The following LRP1B variants were observed in gnomAD, a reference collection of about 807,000 sequenced individuals.
The protein encoded by LRP1B is low-density lipoprotein receptor-related protein 1B.
LRP1B carries 217 observed loss-of-function variants against 556.6 expected under a neutral mutation model. The observed-to-expected ratio is 0.39, with a 90% confidence interval of 0.35 to 0.44. The LOEUF (loss-of-function observed/expected upper bound fraction) is 0.44. Ranked by LOEUF, LRP1B falls within the 20% of genes least tolerant of loss-of-function variation. The pLI is 1.00. For synonymous variants in LRP1B, 2,047 were observed against 1,865.8 expected, an observed-to-expected ratio of 1.10 and a Z score of -2.50; for missense variants, 5,053 against 5,620.8, an observed-to-expected ratio of 0.90 and a Z score of 3.23.
At chr2:141,727,084 G>C (rs1210775232) in intron 2 of LRP1B, among the ~76,000 whole-genome samples, 1 of 152,030 alleles carries the variant, frequency 6.6e-6, no homozygotes, top group Non-Finnish European at 1.5e-5. Flanking sequence ...ACTAATGTAA[G>C]GAGATTATTT....
chr2:141,701,040 T>A (rs2105462133), intron 2 of LRP1B, among the ~76,000 whole-genome samples: 1 of 151,960 alleles, frequency 6.6e-6, no homozygotes, highest in South Asian at 2.1e-4. Flanking sequence ...CTGATTGGCA[T>A]CTAAATTTAC....
intron 84 of LRP1B, among the ~76,000 whole-genome samples, chr2:140,294,858 A>G (rs1158050144): frequency 6.6e-6 from 1 of 152,020 alleles, no homozygotes; most frequent in Non-Finnish European, 1.5e-5. Context: ...ATACATGAGA[A>G]AGGATAATTA....
chr2:140,812,929 G>T (rs553560605), intron 32 of LRP1B, among the ~76,000 whole-genome samples: 19 of 152,126 alleles, frequency 1.2e-4, no homozygotes, highest in Admixed American at 9.8e-4. Context: ...TCAATATTCA[G>T]CCATCCTCAA....
At chr2:141,252,582 C>A (rs984985508) in intron 4 of LRP1B, among the ~76,000 whole-genome samples, 1 of 152,108 alleles carries the variant, frequency 6.6e-6, no homozygotes, top group Non-Finnish European at 1.5e-5. Context: ...TAATTCTTAT[C>A]TATTTTCACA....
chr2:140,728,157 TAA>T (rs33973198), intron 35 of LRP1B, among the ~76,000 whole-genome samples: 18 of 151,950 alleles, frequency 1.2e-4, no homozygotes, highest in East Asian at 5.8e-4. Context: ...TACTTGTTAT[TAA>T]AAAAAAAATC....
At chr2:140,996,156 A>T (rs540714650) in intron 15 of LRP1B, among the ~76,000 whole-genome samples, 1 of 152,116 alleles carries the variant, frequency 6.6e-6, no homozygotes, top group Admixed American at 6.6e-5. Flanking sequence ...TGTTCTTGAC[A>T]TAAGAATTTT....
intron 27 of LRP1B, among the ~76,000 whole-genome samples, chr2:140,852,952 C>T (rs983839002): frequency 6.6e-6 from 1 of 151,852 alleles, no homozygotes; most frequent in Non-Finnish European, 1.5e-5. Context: ...GGCAAAAAAG[C>T]GTTATTCTTG....
chr2:140,262,145 C>T (rs572769339), intron 86 of LRP1B, among the ~76,000 whole-genome samples: 14 of 151,844 alleles, frequency 9.2e-5, no homozygotes, highest in Non-Finnish European at 1.6e-4. Flanking sequence ...ACTACAATGC[C>T]GAAACTTTAG....
intron 1 of LRP1B, among the ~76,000 whole-genome samples, chr2:141,830,016 C>A (rs1336723070): frequency 6.6e-6 from 1 of 151,638 alleles, no homozygotes; most frequent in Non-Finnish European, 1.5e-5. Flanking sequence ...AAAATGACAC[C>A]ACTGACAAAA....
At chr2:140,564,688 T>C (rs1357725440) in intron 43 of LRP1B, among the ~76,000 whole-genome samples, 1 of 152,166 alleles carries the variant, frequency 6.6e-6, no homozygotes, top group South Asian at 2.1e-4. Flanking sequence ...CTTTCCTCAA[T>C]TAAAAAGTAA....
chr2:141,151,920 A>G (rs1394868372), intron 7 of LRP1B, among the ~76,000 whole-genome samples: 4 of 152,102 alleles, frequency 2.6e-5, no homozygotes, highest in Non-Finnish European at 5.9e-5. Flanking sequence ...GCAAGATGTC[A>G]CTTTAATACT....
At chr2:140,412,363 TC>T (rs1558864406) in intron 66 of LRP1B, among the ~76,000 whole-genome samples, 1 of 152,076 alleles carries the variant, frequency 6.6e-6, no homozygotes. Context: ...CAACTTTTGC[TC>T]ATCAGAGAAG....
chr2:140,270,547 G>A (rs902319997), intron 85 of LRP1B, among the ~76,000 whole-genome samples: 1 of 151,696 alleles, frequency 6.6e-6, no homozygotes, highest in African/African-American at 2.4e-5. Flanking sequence ...TTTTTCTTCT[G>A]ATAATTCTCA....
intron 77 of LRP1B, among the ~76,000 whole-genome samples, chr2:140,336,417 C>G (rs1363716223): frequency 6.7e-6 from 1 of 149,616 alleles, no homozygotes; most frequent in East Asian, 2.0e-4. Context: ...TACAAACACT[C>G]AATTTCTTTG....
chr2:140,646,015 G>A (rs1200790622), intron 41 of LRP1B, among the ~76,000 whole-genome samples: 1 of 151,886 alleles, frequency 6.6e-6, no homozygotes, highest in Non-Finnish European at 1.5e-5. Flanking sequence ...TTAGAGTTTA[G>A]ATAGACTCCA....
At chr2:140,370,129 A>C (rs1399654294) in intron 71 of LRP1B, among the ~76,000 whole-genome samples, 5 of 152,160 alleles carry the variant, frequency 3.3e-5, no homozygotes, top group African/African-American at 1.2e-4. Context: ...ATCTGTCAGA[A>C]AATAATCTTC....
At chr2:141,987,820 A>G (rs1051031724) in intron 1 of LRP1B, among the ~76,000 whole-genome samples, 7 of 151,948 alleles carry the variant, frequency 4.6e-5, no homozygotes, top group Non-Finnish European at 8.8e-5. Flanking sequence ...TAGCACTACC[A>G]GTATTTTCAG....
rs149368924 is a variant in LRP1B, at chr2:140,986,385, G to C, written c.2770+3147C>G. On this transcript the variant is annotated intron_variant, in intron 17 of 90. Coordinates refer to ENST00000389484, the MANE Select transcript of LRP1B (RefSeq NM_018557.3). ...ATCAACATAGAAATAGAATTACAAA[G>C]TTGAAGGTATGCACATCTTCACATT... is the stretch of plus-strand genomic sequence containing the variant. 3.5e-3 allele frequency among the ~76,000 whole-genome samples: 533 copies of C among 152,200 alleles called. 4 individuals are homozygous for C. Among genetic ancestry groups the C allele is most frequent in the African/African-American group, 0.012 (516 of 41,566 alleles).
intron 3 of LRP1B, among the ~76,000 whole-genome samples, chr2:141,445,301 A>G (rs1470114948): frequency 6.6e-6 from 1 of 151,878 alleles, no homozygotes; most frequent in Non-Finnish European, 1.5e-5. Flanking sequence ...TATTGTGTCT[A>G]TTTGATTCTT....
Sources: gnomAD v4.1 joint callset for allele counts (sites outside exome capture counted in the v4.1 genomes callset) on GRCh38, gnomAD v4.1.1 for gene constraint, MANE v1.5 for transcripts, NCBI Gene and HGNC (gene_info 2026-07-23, HGNC 2026-07-21) for gene names.